The following MCM9 variants were observed in gnomAD, a reference collection of about 807,000 sequenced individuals.
MCM9 encodes DNA helicase MCM9.
Under a neutral mutation model 72.8 loss-of-function variants are expected in MCM9, and 55 were observed. The ratio of observed to expected loss-of-function variants is 0.76; its 90% confidence interval spans 0.61 to 0.95. The LOEUF (loss-of-function observed/expected upper bound fraction) is 0.95, where lower values mean the gene tolerates loss of function less well. MCM9 is among the 40% of genes least tolerant of loss of function. The pLI, the probability that MCM9 is intolerant of heterozygous loss-of-function variation, is 0.00. For synonymous variants in MCM9, 480 were observed against 503.4 expected (o/e 0.95, Z 0.62); for missense variants, 1,279 against 1,377.0 (o/e 0.93, Z 1.13).
intron 3 of MCM9, among the ~76,000 whole-genome samples, chr6:118,927,481 T>A (rs1781993139): frequency 6.6e-6 from 1 of 151,992 alleles, no homozygotes; most frequent in African/African-American, 2.4e-5. Context: ...GGTGCATGCC[T>A]GTAATCCCAG....
chr6:118,840,732 T>TC lies in MCM9; in HGVS notation c.1326-11483dup, dbSNP rs770992553. ...AATGCTAGGTACATATATTCTCTCCTCCCCCCCCCCTTTTTTTTTTTTTGA... is the reference window on the plus strand; with the variant it reads ...AATGCTAGGTACATATATTCTCTCCTCCCCCCCCCCCTTTTTTTTTTTTTGA... On this transcript the variant is annotated intron_variant, in intron 9 of 13. Transcript: ENST00000619706. Among the ~76,000 whole-genome samples the TC allele has an allele frequency of 7.7e-4, 56 of 72,568 alleles. 1 individual carries two copies. Among genetic ancestry groups the TC allele is most frequent in the African/African-American group, 2.3e-3 (42 of 18,312 alleles). The allele number at this position is 72,568 out of a possible 152,430, so 47.6% of individuals were successfully genotyped here.
rs533184984 is a variant in MCM9 at position 118,854,658 on chromosome 6, T to C, written c.1325+1713A>G. On this transcript the variant is annotated intron_variant, in intron 9 of 13. Transcript: ENST00000619706. ...GTGAGCCATTGTGCCCAGCCTCATG[T>C]AGGTTTTCATAGATAGCATTTAAAC... Among the ~76,000 whole-genome samples the C allele has an allele frequency of 2.0e-5, 3 of 152,378 alleles. No individual in the cohort carries two copies. The East Asian group carries it at 5.8e-4, about 29-fold the overall frequency.
At chr6:118,905,632 T>C in intron 8 of MCM9, 1 of 1,575,756 alleles carries the variant, frequency 6.3e-7, no homozygotes, top group Non-Finnish European at 8.6e-7. Flanking sequence ...TGTGTTTCTT[T>C]TCTTTTTAAT....
intron 8 of MCM9, among the ~76,000 whole-genome samples, chr6:118,884,394 A>G (rs1195081038): frequency 2.6e-5 from 4 of 152,168 alleles, no homozygotes; most frequent in Non-Finnish European, 4.4e-5. Flanking sequence ...AGTAAGCCCT[A>G]TAACAACCAC....
At chr6:118,919,256 G>C (rs1781237131) in intron 5 of MCM9, 1 of 152,188 alleles carries the variant, frequency 6.6e-6, no homozygotes, top group Non-Finnish European at 1.5e-5. Flanking sequence ...AAAATACAGA[G>C]CACTGAAGCA....
chr6:118,888,451 C>A (rs891637780), intron 8 of MCM9, among the ~76,000 whole-genome samples: 1 of 152,144 alleles, frequency 6.6e-6, no homozygotes, highest in African/African-American at 2.4e-5. Context: ...CACGCCACTG[C>A]ACTCCAGCCT....
At chr6:118,883,937 T>C (rs1562422603) in intron 8 of MCM9, among the ~76,000 whole-genome samples, 2 of 152,206 alleles carry the variant, frequency 1.3e-5, no homozygotes, top group Non-Finnish European at 2.9e-5. Flanking sequence ...AAAAACAGTT[T>C]AGAGACACAT....
At chr6:118,896,092 T>G (rs902145718) in intron 8 of MCM9, among the ~76,000 whole-genome samples, 2 of 151,256 alleles carry the variant, frequency 1.3e-5, no homozygotes, top group Non-Finnish European at 2.9e-5. Context: ...CATACATATA[T>G]AGGGCAAATT....
intron 8 of MCM9, among the ~76,000 whole-genome samples, chr6:118,888,638 A>T (rs866546516): frequency 6.6e-6 from 1 of 152,254 alleles, no homozygotes; most frequent in Non-Finnish European, 1.5e-5. Flanking sequence ...ATATGTTAAT[A>T]GCAGCATTTT....
At chr6:118,826,569 C>T (rs1031495850) in intron 12 of MCM9, among the ~76,000 whole-genome samples, 2 of 152,144 alleles carry the variant, frequency 1.3e-5, no homozygotes, top group South Asian at 2.1e-4. Context: ...TACTTTACAT[C>T]AATAGGCAAA....
chr6:118,855,081 G>T (rs557796240), intron 9 of MCM9, among the ~76,000 whole-genome samples: 1 of 152,038 alleles, frequency 6.6e-6, no homozygotes, highest in Admixed American at 6.6e-5. Flanking sequence ...CAAACTGCCT[G>T]GCCTTTTGGT....
intron 8 of MCM9, among the ~76,000 whole-genome samples, chr6:118,883,664 A>G (rs1250672204): frequency 6.6e-6 from 1 of 152,042 alleles, no homozygotes; most frequent in Non-Finnish European, 1.5e-5. Flanking sequence ...TGGAGGCCAG[A>G]GGCAGTGGGA....
At chr6:118,864,584 G>A (rs1409980815) in intron 8 of MCM9, among the ~76,000 whole-genome samples, 1 of 151,862 alleles carries the variant, frequency 6.6e-6, no homozygotes, top group Non-Finnish European at 1.5e-5. Flanking sequence ...ACATCAAATG[G>A]GAAGGAAAAG....
intron 9 of MCM9, among the ~76,000 whole-genome samples, chr6:118,844,974 A>T (rs1775757935): frequency 6.6e-6 from 1 of 151,896 alleles, no homozygotes; most frequent in Non-Finnish European, 1.5e-5. Flanking sequence ...AAACAGCCAT[A>T]CAGGAACAGC....
intron 8 of MCM9, among the ~76,000 whole-genome samples, chr6:118,899,391 C>T (rs988889566): frequency 2.0e-5 from 3 of 152,178 alleles, no homozygotes; most frequent in Non-Finnish European, 4.4e-5. Flanking sequence ...TTTCATTCTG[C>T]TCCAGCCCTA....
At chr6:118,894,597 G>A (rs572885777) in intron 8 of MCM9, 6 of 1,280,250 alleles carry the variant, frequency 4.7e-6, no homozygotes, top group African/African-American at 4.4e-5. Context: ...GCCGGGCCTC[G>A]CGCTGGGCGG....
At chr6:118,908,958 G>C (rs1780351454) in intron 8 of MCM9, 3 of 152,516 alleles carry the variant, frequency 2.0e-5, no homozygotes, top group Admixed American at 2.0e-4. Context: ...TTCTAAAAAA[G>C]TGAATTTGTG....
In MCM9 at chr6:118,867,879, C is replaced by CT. The variant is rs1554258631; in HGVS notation, c.1151-11335dup. Among the ~76,000 whole-genome samples the CT allele has an allele frequency of 6.8e-3, 940 of 137,484 alleles. 37 individuals carry two copies. The highest frequency in any genetic ancestry group is 0.022 in the African/African-American group (849 of 38,114). The allele number at this position is 137,484 out of a possible 152,430, so 90.2% of individuals were successfully genotyped here. A position where few individuals can be genotyped will look rare whatever the true frequency, so the allele number is the denominator to read the frequency against. On this transcript the variant is annotated intron_variant, in intron 8 of 13. Coordinates refer to ENST00000619706, the MANE Select transcript of MCM9 (RefSeq NM_017696.3). ...TTAATTATATTTCTTTTTTCTTTTT[C>CT]TTTTTCTTTTTTTTTGAGATGAAGT...
intron 8 of MCM9, among the ~76,000 whole-genome samples, chr6:118,886,372 G>T (rs1039425176): frequency 1.3e-5 from 2 of 149,086 alleles, no homozygotes; most frequent in African/African-American, 4.9e-5. Flanking sequence ...GAGAGAGAAA[G>T]AAAAAGAAAC....
Sources: gnomAD v4.1 joint callset for allele counts (sites outside exome capture counted in the v4.1 genomes callset) on GRCh38, gnomAD v4.1.1 for gene constraint, MANE v1.5 for transcripts, NCBI Gene and HGNC (gene_info 2026-07-23, HGNC 2026-07-21) for gene names.